The following SNTG1 variants were observed in gnomAD, a reference collection of about 807,000 sequenced individuals.
SNTG1 encodes gamma-1-syntrophin.
SNTG1 carries 39 observed loss-of-function variants against 74.7 expected under a neutral mutation model. The observed-to-expected ratio is 0.52, with a 90% CI of 0.40 to 0.68. The LOEUF (loss-of-function observed/expected upper bound fraction) is 0.68, where lower values mean the gene tolerates loss of function less well. SNTG1 is among the 30% of genes least tolerant of loss of function. The pLI is 0.00. For synonymous variants in SNTG1, 254 were observed against 217.1 expected (o/e 1.17, Z -1.49); for missense variants, 685 against 609.5 (o/e 1.12, Z -1.30).
chr8:50,192,931 G>C (rs1468593406), intron 2 of SNTG1, among the ~76,000 whole-genome samples: 4 of 151,956 alleles, frequency 2.6e-5, no homozygotes, highest in Admixed American at 2.6e-4. Context: ...TTATGTTTTT[G>C]TTTGCTTTGT....
At chr8:50,783,625 GA>G (rs1295181786) in intron 18 of SNTG1, among the ~76,000 whole-genome samples, 5 of 152,148 alleles carry the variant, frequency 3.3e-5, no homozygotes, top group Non-Finnish European at 1.5e-5. Flanking sequence ...CTAGGAAAGG[GA>G]ACTCCCTGAC....
intron 9 of SNTG1, among the ~76,000 whole-genome samples, chr8:50,514,366 A>C (rs2094113370): frequency 6.6e-6 from 1 of 152,108 alleles, no homozygotes; most frequent in African/African-American, 2.4e-5. Flanking sequence ...TTACTGATAA[A>C]ATTTTCTCTC....
intron 1 of SNTG1, among the ~76,000 whole-genome samples, chr8:50,009,249 T>C (rs113255872): frequency 3.3e-5 from 5 of 152,344 alleles, no homozygotes; most frequent in African/African-American, 7.2e-5. Flanking sequence ...AATTTAATTT[T>C]AGTTGTCATG....
At chr8:49,981,030 G>C (rs1477166607) in intron 1 of SNTG1, among the ~76,000 whole-genome samples, 1 of 152,172 alleles carries the variant, frequency 6.6e-6, no homozygotes, top group East Asian at 1.9e-4. Context: ...GACCAGTGAA[G>C]CTCTTTAGGG....
intron 4 of SNTG1, among the ~76,000 whole-genome samples, chr8:50,405,144 C>A (rs2092856672): frequency 6.6e-6 from 1 of 152,044 alleles, no homozygotes; most frequent in African/African-American, 2.4e-5. Flanking sequence ...TCACCACTTT[C>A]AATTATTTGG....
At chr8:50,781,276 A>G (rs1257674041) in intron 18 of SNTG1, among the ~76,000 whole-genome samples, 2 of 152,026 alleles carry the variant, frequency 1.3e-5, no homozygotes, top group East Asian at 1.9e-4. Flanking sequence ...TTTCTGTCTC[A>G]TTGATCTGTC....
At chr8:49,954,047 T>C (rs1032499350) in intron 1 of SNTG1, among the ~76,000 whole-genome samples, 1 of 152,204 alleles carries the variant, frequency 6.6e-6, no homozygotes, top group East Asian at 1.9e-4. Context: ...TAATATTTTC[T>C]GTTACAATCA....
chr8:50,751,028 A>C (rs917833512), intron 17 of SNTG1, among the ~76,000 whole-genome samples: 1 of 152,034 alleles, frequency 6.6e-6, no homozygotes. Context: ...ATAGGACTGC[A>C]CTCAGAAAAT....
At chr8:50,701,704 CTCT>C (rs1363107948) in intron 15 of SNTG1, among the ~76,000 whole-genome samples, 17 of 143,952 alleles carry the variant, frequency 1.2e-4, no homozygotes, top group African/African-American at 2.6e-4. Flanking sequence ...CTTCCTCTTC[CTCT>C]TCATCTTCCT....
chr8:50,036,864 G>T (rs902199146), intron 1 of SNTG1, among the ~76,000 whole-genome samples: 19 of 152,212 alleles, frequency 1.2e-4, no homozygotes, highest in African/African-American at 4.1e-4. Flanking sequence ...AGTAGGCATT[G>T]TTCACTAGCT....
At chr8:50,151,856 C>A (rs143113202) in intron 1 of SNTG1, among the ~76,000 whole-genome samples, 1 of 151,978 alleles carries the variant, frequency 6.6e-6, no homozygotes, top group African/African-American at 2.4e-5. Context: ...GGAATAAGTG[C>A]GATGCAGTGC....
At chr8:49,931,127 A>C (rs1807548988) in intron 1 of SNTG1, among the ~76,000 whole-genome samples, 2 of 152,228 alleles carry the variant, frequency 1.3e-5, no homozygotes, top group Non-Finnish European at 2.9e-5. Context: ...ATGCAAATTA[A>C]AGCCATAAAA....
intron 2 of SNTG1, among the ~76,000 whole-genome samples, chr8:50,232,529 C>G (rs1410614739): frequency 6.6e-6 from 1 of 151,366 alleles, no homozygotes; most frequent in South Asian, 2.1e-4. Context: ...AGTTTAGACA[C>G]AAGGCAAGAT....
At chr8:50,584,581 C>T (rs1420401142) in intron 12 of SNTG1, among the ~76,000 whole-genome samples, 5 of 143,722 alleles carry the variant, frequency 3.5e-5, no homozygotes, top group Non-Finnish European at 3.0e-5. Context: ...GGTGCGTTCT[C>T]GATGACACTG....
chr8:50,499,667 T>C (rs1232036955), intron 8 of SNTG1, among the ~76,000 whole-genome samples: 1 of 150,460 alleles, frequency 6.6e-6, no homozygotes, highest in East Asian at 2.0e-4. Context: ...ACCTGTAGGT[T>C]TTTTTTTTAT....
rs1033730533 is a variant in SNTG1 at position 50,247,611 on chromosome 8, T to A, written c.-28+74976T>A. On this transcript the variant is annotated intron_variant, in intron 2 of 18. Coordinates refer to ENST00000642720, the MANE Select transcript of SNTG1 (RefSeq NM_018967.5). ...ACCTCAAACTCCTGGGTTCTGGTAG[T>A]CCTCCTGCCTCAGCCTCCTGAGTAG... Among the ~76,000 whole-genome samples, 5 of 152,196 alleles carry A rather than the reference T, an allele frequency of 3.3e-5. No individual in the cohort carries two copies. In the East Asian group the frequency reaches 9.7e-4, roughly 29 times the overall value.
intron 18 of SNTG1, among the ~76,000 whole-genome samples, chr8:50,756,696 T>G (rs2095581467): frequency 6.6e-6 from 1 of 151,812 alleles, no homozygotes; most frequent in Non-Finnish European, 1.5e-5. Context: ...TGAAGTTTTA[T>G]AGTGTTAATC....
chr8:50,417,033 A>G (rs2093023444), intron 4 of SNTG1, among the ~76,000 whole-genome samples: 1 of 152,156 alleles, frequency 6.6e-6, no homozygotes, highest in African/African-American at 2.4e-5. Flanking sequence ...TGTACTTGAA[A>G]AAGTGTTTTA....
intron 9 of SNTG1, among the ~76,000 whole-genome samples, chr8:50,514,876 G>A (rs1471922719): frequency 1.3e-5 from 2 of 152,018 alleles, no homozygotes; most frequent in Admixed American, 6.6e-5. Flanking sequence ...TTCTGTCAAA[G>A]TTTGCTTCAT....
Sources: gnomAD v4.1 joint callset for allele counts (sites outside exome capture counted in the v4.1 genomes callset) on GRCh38, gnomAD v4.1.1 for gene constraint, MANE v1.5 for transcripts, NCBI Gene and HGNC (gene_info 2026-07-23, HGNC 2026-07-21) for gene names.